NCAPD2: variants seen among roughly 807,000 people sequenced by gnomAD.
NCAPD2 encodes the protein condensin complex subunit 1.
A neutral mutation model predicts 164.5 loss-of-function variants in NCAPD2; 100 were observed. The ratio of observed to expected loss-of-function variants is 0.61; its 90% CI spans 0.52 to 0.72. The LOEUF is 0.72. Among genes scored for constraint, NCAPD2 ranks in the 30% least tolerant of loss-of-function variants. The probability of loss-of-function intolerance (pLI) is 0.00; values close to 1 mark genes in which losing one functional copy is unlikely to be tolerated. For synonymous variants in NCAPD2, 585 were observed against 642.6 expected, an observed-to-expected ratio of 0.91 and a Z score of 1.36; for missense variants, 1,560 against 1,749.2, an observed-to-expected ratio of 0.89 and a Z score of 1.93.
chr12:6,520,950 A>G (rs942516134), intron 13 of NCAPD2, 36 bp from the exon 14 acceptor site: 2 of 1,612,896 alleles, frequency 1.2e-6, no homozygotes, highest in Non-Finnish European at 1.7e-6. Context: ...CTGCAGTGAC[A>G]TTCTTCTGGG....
chr12:6,504,199 A>C (rs2364499), intron 2 of NCAPD2, among the ~76,000 whole-genome samples: 1 of 24,330 alleles, frequency 4.1e-5, no homozygotes, highest in Non-Finnish European at 7.1e-5. Flanking sequence ...ATATATATAT[A>C]TATATATATA....
chr12:6,514,285 A>G lies in NCAPD2; in HGVS notation c.608A>G (p.Tyr203Cys). 13 of 1,614,096 alleles carry G rather than the reference A, an allele frequency of 8.1e-6. No homozygotes were observed. Among genetic ancestry groups the G allele is most frequent in the Non-Finnish European group, 1.1e-5 (13 of 1,180,026 alleles). ...CTCAGTTTGGTTACTGGCTGTTGCT[A>G]CCGCCTTCTGGAGAATCCCACCATT... is the stretch of plus-strand genomic sequence containing the variant. Reference protein sequence around the residue: ...EFVSLVTGCCYRLLENPTINH... With the variant: ...EFVSLVTGCCCRLLENPTINH... The change falls in exon 7 of 32, where the codon TAC (tyrosine) becomes TGC (cysteine). Residue 203 changes from tyrosine to cysteine, a missense_variant. Tyr to Cys is a radical substitution (Grantham distance 194, BLOSUM62 -2). Coordinates refer to ENST00000315579, the MANE Select transcript of NCAPD2 (RefSeq NM_014865.4).
Position 6,531,554 on chromosome 12 carries a change from C to G in NCAPD2, c.*142C>G. 1.3e-6 allele frequency: 2 copies of G among 1,502,638 alleles called. No homozygotes were observed. Among genetic ancestry groups the G allele is most frequent in the Non-Finnish European group, 1.8e-6 (2 of 1,125,210 alleles). 93.1% of individuals were successfully genotyped at this position (1,502,638 alleles called of 1,614,324 possible). A position where few individuals can be genotyped will look rare whatever the true frequency, so the allele number is the denominator to read the frequency against. On this transcript the variant is annotated 3_prime_UTR_variant, in exon 32 of 32. Transcript: ENST00000315579. This position sits in a 1 kb window ranked among gnomAD's most constrained non-coding sequence, Gnocchi z 4.1. ...GGCACTGTGGCTCACGCCTGTAATC[C>G]CAGCACTTTGCGATACCAAGGCGGG...
intron 6 of NCAPD2, among the ~76,000 whole-genome samples, 188 bp from the exon 7 acceptor site, chr12:6,514,077 T>C (rs1233128993): frequency 2.0e-5 from 3 of 152,166 alleles, no homozygotes; most frequent in Non-Finnish European, 4.4e-5. Context: ...GGTTGAAAGT[T>C]GGTAATCTTG....
At chr12:6,497,045 T>C (rs1945990976) in intron 2 of NCAPD2, among the ~76,000 whole-genome samples, 1 of 152,208 alleles carries the variant, frequency 6.6e-6, no homozygotes, top group African/African-American at 2.4e-5. Context: ...AGAAATAGAA[T>C]TACCCAGACT....
chr12:6,520,505 T>C (rs1946254667), intron 13 of NCAPD2, among the ~76,000 whole-genome samples: 1 of 152,092 alleles, frequency 6.6e-6, no homozygotes, highest in South Asian at 2.1e-4. Context: ...TAACTTTTTT[T>C]ACTTTTTGTA....
chr12:6,531,870 G>A lies in NCAPD2; in HGVS notation c.*458G>A, dbSNP rs1565549190. On this transcript the variant is annotated 3_prime_UTR_variant, in exon 32 of 32. Transcript: ENST00000315579. The surrounding 1 kb of genome is among the most constrained non-coding windows in gnomAD (Gnocchi z 4.1). ...GGCTTTCTCTTAAATTAGCCTAACT[G>A]AACTGCGTTGAGCTGCTTCAACTTT... 5.0e-6 allele frequency: 1 copy of A among 198,068 alleles called. No homozygotes were observed. The highest frequency in any genetic ancestry group is 1.1e-5 in the Non-Finnish European group (1 of 94,440). 12.3% of individuals were successfully genotyped at this position (198,068 alleles called of 1,614,324 possible).
rs114720997 is a variant in NCAPD2, at chr12:6,512,535, C to T, written c.587+1283C>T. Among the ~76,000 whole-genome samples the T allele has an allele frequency of 5.0e-3, 762 of 152,262 alleles. 5 individuals carry two copies. Among genetic ancestry groups the T allele is most frequent in the African/African-American group, 0.018 (738 of 41,560 alleles). On this transcript the variant is annotated intron_variant, in intron 6 of 31. Transcript: ENST00000315579. The stretch of plus-strand genomic sequence containing the variant: ...GAGAGCTGACAGCTGAGAGCAGGTA[C>T]GAGGGTTAGGCCGTGAGGCCATGGG...
chr12:6,517,243 A>G, intron 10 of NCAPD2, 122 bp from the exon 11 acceptor site: 1 of 1,429,228 alleles, frequency 7.0e-7, no homozygotes, highest in Non-Finnish European at 9.4e-7. Flanking sequence ...CCTAATCTAT[A>G]TTCTGTAGAA....
At chr12:6,495,547 G>C (rs547122926) in intron 2 of NCAPD2, among the ~76,000 whole-genome samples, 1 of 152,180 alleles carries the variant, frequency 6.6e-6, no homozygotes, top group African/African-American at 2.4e-5. Flanking sequence ...GGAGTGGATC[G>C]CTTTTTCAGA....
At chr12:6,518,127 T>C (rs1946221562) in intron 13 of NCAPD2, 168 bp downstream of exon 13, 1 of 588,142 alleles carries the variant, frequency 1.7e-6, no homozygotes, top group Admixed American at 3.3e-5. Context: ...TAGTCCACAA[T>C]TAAGCATGTG....
intron 13 of NCAPD2, among the ~76,000 whole-genome samples, chr12:6,520,317 C>G (rs1946253126): frequency 6.6e-6 from 1 of 152,012 alleles, no homozygotes. Flanking sequence ...TCACAACTCA[C>G]TGCAGCTTTG....
In NCAPD2 at chr12:6,511,264, G is replaced by C. The variant is rs1174968547; in HGVS notation, c.587+12G>C. 1 of 1,613,920 alleles carries C rather than the reference G, an allele frequency of 6.2e-7. No individual in the cohort carries two copies. Among genetic ancestry groups the C allele is most frequent in the Non-Finnish European group, 8.5e-7 (1 of 1,179,900 alleles). On this transcript the variant is annotated intron_variant, in intron 6 of 31. Coordinates refer to ENST00000315579, the MANE Select transcript of NCAPD2 (RefSeq NM_014865.4). Reference sequence around the variant, plus strand: ...GAAGAATTTGTCAGGTGGGTAGGGAGGATGGCTACAGATAATACTGAGCTG... The same window carrying C: ...GAAGAATTTGTCAGGTGGGTAGGGACGATGGCTACAGATAATACTGAGCTG...
intron 21 of NCAPD2, 25 bp from the exon 22 acceptor site, chr12:6,526,866 C>T: frequency 6.3e-7 from 1 of 1,582,572 alleles, no homozygotes; most frequent in South Asian, 1.1e-5. Flanking sequence ...CTCTTTGCCC[C>T]ACCTTCCCTC....
Position 6,528,392 on chromosome 12 carries a change from G to A in NCAPD2, c.3299+64G>A, listed in dbSNP as rs945164223. 40 of 1,595,284 alleles carry A rather than the reference G, an allele frequency of 2.5e-5. No individual in the cohort carries two copies. The African/African-American group carries it at 5.2e-4, about 21-fold the overall frequency. ...GCCCCGGAGTCTGTTGAGAGTCAGT[G>A]TGAGAATCACCAGGGCTCTTCCCCT... On this transcript the variant is annotated intron_variant, in intron 25 of 31. Coordinates refer to ENST00000315579, the MANE Select transcript of NCAPD2 (RefSeq NM_014865.4). The surrounding 1 kb of genome is among the most constrained non-coding windows in gnomAD (Gnocchi z 5.1).
rs766918959 is a variant in NCAPD2 at position 6,510,273 on chromosome 12, A to T, written c.262+140A>T. On this transcript the variant is annotated intron_variant, in intron 4 of 31. Coordinates refer to ENST00000315579, the MANE Select transcript of NCAPD2 (RefSeq NM_014865.4). ...TGATTCAGTTGGTTTGGCTAAGCCC[A>T]GGGACCTTTGGCCTGTTAAAGGTCT... 5.1e-6 allele frequency: 5 copies of T among 980,718 alleles called. No individual in the cohort carries two copies. The Admixed American group carries it at 8.5e-5, about 17-fold the overall frequency. The allele number at this position is 980,718 out of a possible 1,614,324, so 60.8% of individuals were successfully genotyped here. A position where few individuals can be genotyped will look rare whatever the true frequency, so the allele number is the denominator to read the frequency against.
chr12:6,515,408 C>T (rs907372444), intron 9 of NCAPD2, among the ~76,000 whole-genome samples: 2 of 152,120 alleles, frequency 1.3e-5, no homozygotes, highest in African/African-American at 4.8e-5. Context: ...TAGTCTCAAA[C>T]TCCTGGTCTC....
At chr12:6,496,644 C>T (rs887650016) in intron 2 of NCAPD2, among the ~76,000 whole-genome samples, 2 of 151,922 alleles carry the variant, frequency 1.3e-5, no homozygotes, top group Middle Eastern at 3.4e-3. Flanking sequence ...AGGCTGGTCT[C>T]GAACTTCTGG....
At position 6,521,679 on chromosome 12, in the gene NCAPD2, C is replaced by T. The variant is rs1470574615; in HGVS notation, c.1715-119C>T. The T allele has an allele frequency of 2.3e-6, 3 of 1,278,758 alleles. No individual in the cohort carries two copies. In the Admixed American group the frequency reaches 6.6e-5, roughly 28 times the overall value. 79.2% of individuals were successfully genotyped at this position (1,278,758 alleles called of 1,614,324 possible). ...ACAGCCTAGGCAACAGAGTGAGACCCCATCTCAAAAGAAAAGAAGAAGGAA... is the reference window on the plus strand; with the variant it reads ...ACAGCCTAGGCAACAGAGTGAGACCTCATCTCAAAAGAAAAGAAGAAGGAA... On this transcript the variant is annotated intron_variant, in intron 14 of 31. Transcript: ENST00000315579.
Sources: gnomAD v4.1 joint callset for allele counts (sites outside exome capture counted in the v4.1 genomes callset) on GRCh38, gnomAD v4.1.1 for gene constraint, Gnocchi (gnomAD v3.1) non-coding constraint, MANE v1.5 for transcripts, NCBI Gene and HGNC (gene_info 2026-07-23, HGNC 2026-07-21) for gene names.